The following R3HCC1L variants were observed in gnomAD, a reference collection of about 807,000 sequenced individuals.
R3HCC1L encodes R3H domain and coiled-coil containing 1 like.
In R3HCC1L, 51 loss-of-function variants were observed where a neutral mutation model predicts 59.9. The observed-to-expected ratio is 0.85, with a 90% CI of 0.68 to 1.07. R3HCC1L has a LOEUF of 1.07. R3HCC1L is among the 50% of genes least tolerant of loss of function. The probability of loss-of-function intolerance (pLI) is 0.00; values close to 1 mark genes in which losing one functional copy is unlikely to be tolerated. For synonymous variants in R3HCC1L, 322 were observed against 315.2 expected (o/e 1.02, Z -0.23); for missense variants, 965 against 933.0 (o/e 1.03, Z -0.45).
At chr10:98,169,576 T>A (rs1485434748) in intron 4 of R3HCC1L, among the ~76,000 whole-genome samples, 1 of 152,190 alleles carries the variant, frequency 6.6e-6, no homozygotes, top group Non-Finnish European at 1.5e-5. Context: ...GGGCCTAAAC[T>A]GTAATGAAAC....
intron 4 of R3HCC1L, among the ~76,000 whole-genome samples, chr10:98,179,466 G>A (rs143115397): frequency 4.6e-5 from 7 of 152,050 alleles, no homozygotes; most frequent in African/African-American, 9.6e-5. Context: ...TCGGTTTGCC[G>A]GGATTTTACT....
At chr10:98,207,074 G>C (rs1852761399) in intron 4 of R3HCC1L, among the ~76,000 whole-genome samples, 1 of 152,156 alleles carries the variant, frequency 6.6e-6, no homozygotes, top group Non-Finnish European at 1.5e-5. Flanking sequence ...AGAGTGGACA[G>C]GATGCGTTAG....
chr10:98,203,356 A>AG, intron 4 of R3HCC1L, among the ~76,000 whole-genome samples: 1 of 152,330 alleles, frequency 6.6e-6, no homozygotes, highest in Middle Eastern at 3.4e-3. Context: ...AAACAGTATA[A>AG]GGGTACCATT....
In R3HCC1L at chr10:98,220,370, CT is replaced by C. The variant is rs35257520; in HGVS notation, c.1785+10481del. ...TCAGGCATTTCATGGATTTCTTTTT[CT>C]TTTTTTTTTCCCATCTTTTTTTTTT... On this transcript the variant is annotated intron_variant, in intron 5 of 9. Transcript: ENST00000298999. Among the ~76,000 whole-genome samples the C allele has an allele frequency of 1.2e-3, 164 of 136,052 alleles. 2 individuals are homozygous for C. Among genetic ancestry groups the C allele is most frequent in the African/African-American group, 3.8e-3 (139 of 36,876 alleles). The allele number at this position is 136,052 out of a possible 152,430, so 89.3% of individuals were successfully genotyped here. A position where few individuals can be genotyped will look rare whatever the true frequency, so the allele number is the denominator to read the frequency against.
chr10:98,172,210 C>T (rs760039121), intron 4 of R3HCC1L, among the ~76,000 whole-genome samples: 3 of 152,096 alleles, frequency 2.0e-5, no homozygotes, highest in Admixed American at 1.3e-4. Context: ...TTCACAGATC[C>T]GCTCACTACT....
At chr10:98,152,496 C>G (rs1402238627) in intron 1 of R3HCC1L, among the ~76,000 whole-genome samples, 3 of 134,226 alleles carry the variant, frequency 2.2e-5, no homozygotes, top group Non-Finnish European at 5.1e-5. Flanking sequence ...GCCATCCCGT[C>G]TAGGAAGTGA....
Position 98,208,523 on chromosome 10 carries a change from C to T in R3HCC1L, c.409C>T (p.Gln137Ter), listed in dbSNP as rs773813387. 2.5e-6 allele frequency: 4 copies of T among 1,614,136 alleles called. No individual in the cohort carries two copies. Among genetic ancestry groups the T allele is most frequent in the Non-Finnish European group, 3.4e-6 (4 of 1,180,006 alleles). The change falls in exon 5 of 10, where the codon CAG becomes TAG. Residue 137 changes from glutamine (Q) to a stop codon, truncating the protein, a stop_gained. Coordinates refer to ENST00000298999, the MANE Select transcript of R3HCC1L (RefSeq NM_001351015.2). LOFTEE classifies it high-confidence loss of function. ...TGGGGTTATAACTAATGCACCTTTG[C>T]AGAGACATTTTAAACCAAAGAAGGT... ...NAGVITNAPLQRHFKPKKVEC... is the reference protein window; with the variant it reads ...NAGVITNAPL
intron 5 of R3HCC1L, among the ~76,000 whole-genome samples, chr10:98,220,554 G>A (rs1010326515): frequency 1.8e-5 from 2 of 108,150 alleles, no homozygotes; most frequent in Non-Finnish European, 3.5e-5. Flanking sequence ...ACAGTCCCCA[G>A]AGTGTGATAT....
chr10:98,229,261 C>T (rs955808948), intron 5 of R3HCC1L, among the ~76,000 whole-genome samples: 5 of 152,160 alleles, frequency 3.3e-5, no homozygotes, highest in Admixed American at 6.5e-5. Context: ...TTTATTTCAT[C>T]AAGCAGTGGT....
chr10:98,234,433 T>C lies in R3HCC1L; in HGVS notation c.1962-13T>C. 1.2e-6 allele frequency: 2 copies of C among 1,610,332 alleles called. No individual in the cohort carries two copies. Among genetic ancestry groups the C allele is most frequent in the East Asian group, 2.2e-5 (1 of 44,824 alleles). On this transcript the variant is annotated splice_polypyrimidine_tract_variant and intron_variant, in intron 6 of 9. Coordinates refer to ENST00000298999, the MANE Select transcript of R3HCC1L (RefSeq NM_001351015.2). ...TTTATTTTAGGAAATAAAATTGTTT[T>C]TTTGTGTTGCAGAAAGAAAGGATTT...
At chr10:98,231,778 C>A in intron 6 of R3HCC1L, 91 bp downstream of exon 6, 1 of 1,310,448 alleles carries the variant, frequency 7.6e-7, no homozygotes, top group Non-Finnish European at 1.0e-6. Context: ...TTTTTTATAT[C>A]CCGTTTTTCA....
chr10:98,155,959 T>C (rs371318584), intron 1 of R3HCC1L, 134 bp from the exon 2 acceptor site: 1 of 152,194 alleles, frequency 6.6e-6, no homozygotes, highest in Non-Finnish European at 1.5e-5. Context: ...TTTACATTAC[T>C]ATGCCTGTGC....
rs980287321 is a variant in R3HCC1L at position 98,163,387 on chromosome 10, T to C, written c.-25T>C. 12 of 1,337,026 alleles carry C rather than the reference T, an allele frequency of 9.0e-6. No homozygotes were observed. The highest frequency in any genetic ancestry group is 1.2e-5 in the Non-Finnish European group (12 of 1,008,946). The allele number at this position is 1,337,026 out of a possible 1,614,324, so 82.8% of individuals were successfully genotyped here. A position where few individuals can be genotyped will look rare whatever the true frequency, so the allele number is the denominator to read the frequency against. ...AGTTTTATTACTAAGAAAATAAATG[T>C]TACTTACATGGTAAGTTGCCTTTAC... On this transcript the variant is annotated 5_prime_UTR_variant, in exon 4 of 10. Coordinates refer to ENST00000298999, the MANE Select transcript of R3HCC1L (RefSeq NM_001351015.2).
chr10:98,186,195 A>C (rs972610918), intron 4 of R3HCC1L, among the ~76,000 whole-genome samples: 2 of 152,168 alleles, frequency 1.3e-5, no homozygotes, highest in African/African-American at 4.8e-5. Flanking sequence ...CGTGGAGGTA[A>C]GTCAGAAAAA....
chr10:98,167,192 G>C (rs946522363), intron 4 of R3HCC1L, among the ~76,000 whole-genome samples: 1 of 151,988 alleles, frequency 6.6e-6, no homozygotes, highest in East Asian at 1.9e-4. Context: ...CTGTAGCCCT[G>C]TGTACAGGCA....
Position 98,209,674 on chromosome 10 carries a change from C to G in R3HCC1L, c.1560C>G (p.His520Gln). The change falls in exon 5 of 10, where the codon CAC (histidine) becomes CAG (glutamine). Residue 520 changes from histidine to glutamine, a missense_variant. By Grantham distance (24) the His-to-Gln change is conservative. Coordinates refer to ENST00000298999, the MANE Select transcript of R3HCC1L (RefSeq NM_001351015.2). ...GSTGDTTEAL[H>Q]ELRTAEEFKT... is the part of the protein sequence containing the mutation. ...CTGGTGATACAACAGAAGCATTGCACGAACTAAGAACTGCCGAAGAGTTCA... is the reference window on the plus strand; with the variant it reads ...CTGGTGATACAACAGAAGCATTGCAGGAACTAAGAACTGCCGAAGAGTTCA... 5 of 1,613,928 alleles carry G rather than the reference C, an allele frequency of 3.1e-6. No homozygotes were observed. Among genetic ancestry groups the G allele is most frequent in the Non-Finnish European group, 4.2e-6 (5 of 1,179,918 alleles).
chr10:98,222,892 C>T (rs1855203843), intron 5 of R3HCC1L, among the ~76,000 whole-genome samples: 1 of 152,218 alleles, frequency 6.6e-6, no homozygotes, highest in Admixed American at 6.5e-5. Flanking sequence ...AAACTACCAT[C>T]AGAGAATACT....
At chr10:98,140,596 A>G (rs1008557467) in intron 1 of R3HCC1L, among the ~76,000 whole-genome samples, 3 of 152,198 alleles carry the variant, frequency 2.0e-5, no homozygotes, top group Non-Finnish European at 4.4e-5. Context: ...GGAGACAGAA[A>G]GAGTGAATGT....
At chr10:98,147,946 A>G (rs903717317) in intron 1 of R3HCC1L, among the ~76,000 whole-genome samples, 3 of 152,164 alleles carry the variant, frequency 2.0e-5, no homozygotes, top group Non-Finnish European at 4.4e-5. Flanking sequence ...TCTATGAAGA[A>G]TGTCATTGGT....
Sources: allele counts gnomAD v4.1 joint callset (sites outside exome capture counted in the v4.1 genomes callset), GRCh38; gene constraint gnomAD v4.1.1; transcripts MANE v1.5; gene names NCBI Gene and HGNC (gene_info 2026-07-23, HGNC 2026-07-21).